The following SOX6 variants were observed in gnomAD, a reference collection of about 807,000 sequenced individuals.
SOX6 encodes the protein transcription factor SOX-6.
SOX6 carries 11 observed loss-of-function variants against 97.8 expected under a neutral mutation model. The ratio of observed to expected loss-of-function variants is 0.11; its 90% CI spans 0.07 to 0.19. The LOEUF (loss-of-function observed/expected upper bound fraction) is 0.19, where lower values mean the gene tolerates loss of function less well. SOX6 is among the 10% of genes least tolerant of loss of function. SOX6 has a pLI of 1.00. For synonymous variants in SOX6, 360 were observed against 371.4 expected (o/e 0.97, Z 0.35); for missense variants, 810 against 1,039.5 (o/e 0.78, Z 3.04).
chr11:16,570,837 T>C (rs932484767), intron 4 of SOX6, among the ~76,000 whole-genome samples: 10 of 152,294 alleles, frequency 6.6e-5, no homozygotes, highest in Admixed American at 3.3e-4. Flanking sequence ...TGTTTGTAGA[T>C]TGACAATTTA....
intron 6 of SOX6, among the ~76,000 whole-genome samples, chr11:16,143,182 GT>G (rs764100921): frequency 6.6e-6 from 1 of 152,170 alleles, no homozygotes; most frequent in Non-Finnish European, 1.5e-5. Flanking sequence ...CCAGAATAGA[GT>G]GGGGGCCAAT....
At chr11:16,430,142 A>C (rs1387605459) in intron 1 of SOX6, among the ~76,000 whole-genome samples, 1 of 152,120 alleles carries the variant, frequency 6.6e-6, no homozygotes, top group Non-Finnish European at 1.5e-5. Flanking sequence ...GGAAATTTGC[A>C]TATATTCTTT....
rs1371504751 is a variant in SOX6 at position 16,412,807 on chromosome 11, A to AC, written c.-5+63507dup. Among the ~76,000 whole-genome samples the AC allele has an allele frequency of 3.9e-5, 6 of 152,112 alleles. No homozygotes were observed. The East Asian group carries it at 9.6e-4, about 24-fold the overall frequency. On this transcript the variant is annotated intron_variant, in intron 1 of 15. Transcript: ENST00000396356. ...GACTATCAGAAGCTCAAGGTTAGAA[A>AC]CCTCAGTAGAAAGACAGTGTTTCCT... is the stretch of plus-strand genomic sequence containing the variant.
At chr11:16,158,890 G>C (rs1850670224) in intron 6 of SOX6, among the ~76,000 whole-genome samples, 1 of 151,764 alleles carries the variant, frequency 6.6e-6, no homozygotes, top group Non-Finnish European at 1.5e-5. Context: ...GTGTGTGTGT[G>C]TGTGTGTATC....
intron 1 of SOX6, among the ~76,000 whole-genome samples, chr11:16,449,269 T>C: frequency 7.2e-6 from 1 of 138,648 alleles, no homozygotes; most frequent in Non-Finnish European, 1.5e-5. Flanking sequence ...AATTATAAAA[T>C]GCTCCTTCTT....
At chr11:16,501,904 C>T (rs1590225455) in intron 4 of SOX6, among the ~76,000 whole-genome samples, 1 of 152,148 alleles carries the variant, frequency 6.6e-6, no homozygotes, top group Non-Finnish European at 1.5e-5. Context: ...GTCAGTGTGG[C>T]GATTCCTCAG....
At chr11:16,707,138 T>C (rs565986059) in intron 3 of SOX6, among the ~76,000 whole-genome samples, 1 of 152,322 alleles carries the variant, frequency 6.6e-6, no homozygotes, top group South Asian at 2.1e-4. Context: ...AATAAAATCC[T>C]TAATATGGAA....
chr11:16,582,991 A>G (rs1211588617), intron 4 of SOX6, among the ~76,000 whole-genome samples: 1 of 152,108 alleles, frequency 6.6e-6, no homozygotes, highest in Non-Finnish European at 1.5e-5. Flanking sequence ...GATAGCACCA[A>G]AATAAATGAA....
In SOX6 at chr11:16,488,244, G is replaced by A. The variant is rs757090658; in HGVS notation, n.610-11856C>T. 4.1e-4 allele frequency among the ~76,000 whole-genome samples: 63 copies of A among 152,120 alleles called. 1 individual carries two copies. The highest frequency in any genetic ancestry group is 3.1e-4 in the Non-Finnish European group (21 of 68,010). On this transcript the variant is annotated intron_variant and non_coding_transcript_variant, in intron 4 of 5. Transcript: ENST00000524520. ...TGAGAAAACAAAAATGAATGCAGTA[G>A]AGTTGGTGACTTCAAGGAGTTCACA...
chr11:16,215,866 T>C (rs1425608291), intron 4 of SOX6, among the ~76,000 whole-genome samples: 1 of 152,178 alleles, frequency 6.6e-6, no homozygotes, highest in East Asian at 1.9e-4. Flanking sequence ...TTGATTTTGG[T>C]TTTGTTTTTC....
At chr11:16,711,269 C>T (rs1848177568) in intron 3 of SOX6, among the ~76,000 whole-genome samples, 1 of 152,292 alleles carries the variant, frequency 6.6e-6, no homozygotes, top group South Asian at 2.1e-4. Flanking sequence ...AGGCTCATAC[C>T]TGTAATCCCA....
intron 15 of SOX6, among the ~76,000 whole-genome samples, chr11:15,975,102 C>G (rs1018372465): frequency 2.6e-5 from 4 of 152,190 alleles, no homozygotes; most frequent in African/African-American, 9.7e-5. Flanking sequence ...ACACTAAGCA[C>G]TTGACATTGA....
At chr11:16,723,334 G>A (rs1200783993) in intron 2 of SOX6, among the ~76,000 whole-genome samples, 1 of 152,108 alleles carries the variant, frequency 6.6e-6, no homozygotes, top group Non-Finnish European at 1.5e-5. Flanking sequence ...TGCGGAGGGG[G>A]AAGGTGGGAG....
At chr11:16,424,048 T>C (rs1338539543) in intron 1 of SOX6, among the ~76,000 whole-genome samples, 1 of 152,134 alleles carries the variant, frequency 6.6e-6, no homozygotes, top group Non-Finnish European at 1.5e-5. Flanking sequence ...ACATTAAATA[T>C]GGAATTAGGC....
At chr11:16,633,564 C>T (rs999370811) in intron 3 of SOX6, among the ~76,000 whole-genome samples, 2 of 152,170 alleles carry the variant, frequency 1.3e-5, no homozygotes, top group Non-Finnish European at 2.9e-5. Flanking sequence ...GAGTTTCCCA[C>T]TTTGTGTGGC....
At chr11:16,669,658 T>A (rs1250484169) in intron 3 of SOX6, among the ~76,000 whole-genome samples, 2 of 152,184 alleles carry the variant, frequency 1.3e-5, no homozygotes, top group Admixed American at 1.3e-4. Flanking sequence ...GCCCTTGCCC[T>A]TGCTGTCTCC....
intron 4 of SOX6, among the ~76,000 whole-genome samples, chr11:16,546,401 T>C (rs373395778): frequency 3.9e-5 from 6 of 152,112 alleles, no homozygotes; most frequent in Non-Finnish European, 8.8e-5. Flanking sequence ...AGTATTGATA[T>C]AGCAACAGAC....
intron 1 of SOX6, among the ~76,000 whole-genome samples, chr11:16,451,586 C>T (rs1373153788): frequency 1.3e-5 from 2 of 152,256 alleles, no homozygotes; most frequent in Non-Finnish European, 1.5e-5. Flanking sequence ...GCATGCTGTC[C>T]TTCAGCCATA....
rs1438960685 is a variant in SOX6 at position 16,356,209 on chromosome 11, GACTGCCA to G, written c.-127_-121del. Reference sequence around the variant, plus strand: ...CCTTCCCAAATCACAAGAAACCTCTGACTGCCAACCAAAAAAAAAAAAAACCCAACCC... The same window carrying G: ...CCTTCCCAAATCACAAGAAACCTCTGACCAAAAAAAAAAAAAACCCAACCC... On this transcript the variant is annotated 5_prime_UTR_variant, in exon 1 of 16. Coordinates refer to ENST00000683767, the MANE Select transcript of SOX6 (RefSeq NM_001367873.1). Among the ~76,000 whole-genome samples, 5 of 146,646 alleles carry G rather than the reference GACTGCCA, an allele frequency of 3.4e-5. No homozygotes were observed. The highest frequency in any genetic ancestry group is 7.5e-5 in the Non-Finnish European group (5 of 67,002).
Sources: allele counts gnomAD v4.1 joint callset (sites outside exome capture counted in the v4.1 genomes callset), GRCh38; gene constraint gnomAD v4.1.1; transcripts MANE v1.5; gene names NCBI Gene and HGNC (gene_info 2026-07-23, HGNC 2026-07-21).